Variants in SPAG1 observed in about 807,000 individuals in gnomAD.
The protein encoded by SPAG1 is sperm-associated antigen 1.
Under a neutral mutation model 100.5 loss-of-function variants are expected in SPAG1, and 69 were observed. The observed-to-expected ratio is 0.69, with a 90% CI of 0.57 to 0.84. The LOEUF (loss-of-function observed/expected upper bound fraction) is 0.84, where lower values mean the gene tolerates loss of function less well. Among genes scored for constraint, SPAG1 ranks in the 40% least tolerant of loss-of-function variants. The pLI is 0.00. For synonymous variants in SPAG1, 336 were observed against 411.6 expected (o/e 0.82, Z 2.22); for missense variants, 955 against 1,133.1 (o/e 0.84, Z 2.26).
chr8:100,203,681 G>T (rs1817385735), intron 10 of SPAG1, among the ~76,000 whole-genome samples: 1 of 152,162 alleles, frequency 6.6e-6, no homozygotes. Flanking sequence ...TAATGAAGCT[G>T]GTTGGTTGCT....
chr8:100,221,969 C>T (rs1818302255), intron 13 of SPAG1, among the ~76,000 whole-genome samples: 1 of 152,240 alleles, frequency 6.6e-6, no homozygotes, highest in South Asian at 2.1e-4. Flanking sequence ...AAGGGACATA[C>T]ATCCATAATC....
intron 6 of SPAG1, 107 bp downstream of exon 6, chr8:100,184,169 G>T: frequency 4.2e-6 from 2 of 480,632 alleles, no homozygotes. Flanking sequence ...AGATTACCAT[G>T]AAAAGTTTAT....
At position 100,220,430 on chromosome 8, in the gene SPAG1, A is replaced by G; in HGVS notation, c.1687A>G (p.Arg563Gly). 6.2e-7 allele frequency: 1 copy of G among 1,607,952 alleles called. No homozygotes were observed. The highest frequency in any genetic ancestry group is 8.5e-7 in the Non-Finnish European group (1 of 1,178,092). Residue 563 changes from arginine to glycine, a missense_variant and splice_region_variant, in exon 13 of 19, where the codon AGG becomes GGG. Arg to Gly is a moderately radical substitution (Grantham distance 125). Coordinates refer to ENST00000388798, the MANE Select transcript of SPAG1 (RefSeq NM_003114.5). ...GLQLANDSVN[R>G]LSRILMELDG... ...CCAGCTAGCAAATGACAGTGTTAAC[A>G]GGTAATTAATCTGAGGCAGCTACCT...
intron 5 of SPAG1, 62 bp from the exon 6 acceptor site, chr8:100,183,894 T>C: frequency 1.3e-6 from 1 of 761,904 alleles, no homozygotes; most frequent in Admixed American, 2.8e-5. Context: ...AGAATATCAA[T>C]GATAAATTTA....
In SPAG1 at chr8:100,187,721, G is replaced by A. The variant is rs374812582; in HGVS notation, c.832+471G>A. Among the ~76,000 whole-genome samples, 14 of 151,624 alleles carry A rather than the reference G, an allele frequency of 9.2e-5. No homozygotes were observed. The East Asian group carries it at 2.5e-3, about 27-fold the overall frequency. On this transcript the variant is annotated intron_variant, in intron 8 of 18. Coordinates refer to ENST00000388798, the MANE Select transcript of SPAG1 (RefSeq NM_003114.5). ...ATTCTTTTTCTCCAAAAAAAATTAA[G>A]TATAACTTAATATAGATTTTCTGGT... is the stretch of plus-strand genomic sequence containing the variant.
At chr8:100,213,005 C>T (rs1197952618) in intron 10 of SPAG1, 85 bp from the exon 11 acceptor site, 2 of 1,188,218 alleles carry the variant, frequency 1.7e-6, no homozygotes, top group Non-Finnish European at 2.2e-6. Flanking sequence ...CCCTCCGCGT[C>T]CTGCACCCCC....
rs111333755 is a variant in SPAG1 at position 100,184,592 on chromosome 8, A to G, written c.596-36A>G. On this transcript the variant is annotated intron_variant, in intron 6 of 18. Transcript: ENST00000388798. The stretch of plus-strand genomic sequence containing the variant: ...TAAACTTGAAAAATTCTGTTAAATT[A>G]TACGTTTACATATAGCAGATAACAT... The G allele has an allele frequency of 1.0e-3, 1,161 of 1,127,928 alleles. 14 individuals carry two copies. The African/African-American group carries it at 0.018, about 17-fold the overall frequency. The allele number at this position is 1,127,928 out of a possible 1,614,324, so 69.9% of individuals were successfully genotyped here.
At chr8:100,240,214 C>A (rs1361242072) in intron 17 of SPAG1, among the ~76,000 whole-genome samples, 189 bp from the exon 18 acceptor site, 1 of 151,962 alleles carries the variant, frequency 6.6e-6, no homozygotes, top group African/African-American at 2.4e-5. Flanking sequence ...TTTTTTAAAA[C>A]TTTTATGAAT....
intron 10 of SPAG1, among the ~76,000 whole-genome samples, chr8:100,205,896 G>A (rs1369844087): frequency 2.6e-5 from 4 of 151,742 alleles, no homozygotes; most frequent in Admixed American, 2.0e-4. Flanking sequence ...GTGCATGCCT[G>A]TAGTCCCAGC....
chr8:100,215,673 C>T (rs886945537), intron 12 of SPAG1, among the ~76,000 whole-genome samples: 3 of 152,182 alleles, frequency 2.0e-5, no homozygotes, highest in African/African-American at 4.8e-5. Flanking sequence ...TGCAGGCGCC[C>T]GCCACCATGC....
chr8:100,184,046 A>T lies in SPAG1; in HGVS notation c.579A>T (p.Thr193=), dbSNP rs746224784. 1 of 1,448,676 alleles carries T rather than the reference A, an allele frequency of 6.9e-7. No homozygotes were observed. The allele number at this position is 1,448,676 out of a possible 1,614,324, so 89.7% of individuals were successfully genotyped here. A position where few individuals can be genotyped will look rare whatever the true frequency, so the allele number is the denominator to read the frequency against. Residue 193 remains threonine (T), a synonymous_variant, in exon 6 of 19, where the codon ACA becomes ACT. Transcript: ENST00000388798. ...AGTCACACTTGTCTAAAATTGAGAC[A>T]AGAATAGATACAGCAGGTAATTGGA... is the stretch of plus-strand genomic sequence containing the variant. ...IDKSHLSKIE[T]RIDTAGLTEK... is the part of the protein sequence containing the mutation.
chr8:100,233,210 C>T (rs181163962), intron 15 of SPAG1: 41 of 516,244 alleles, frequency 7.9e-5, no homozygotes, highest in Non-Finnish European at 1.2e-4. Context: ...TGATTGCATC[C>T]TCCTTGAGGG....
chr8:100,161,955 A>C (rs1815324779), intron 1 of SPAG1, among the ~76,000 whole-genome samples: 1 of 152,188 alleles, frequency 6.6e-6, no homozygotes, highest in Non-Finnish European at 1.5e-5. Context: ...GCAGAAGTAA[A>C]TAACGTCTTC....
chr8:100,221,753 A>G (rs1818291685), intron 13 of SPAG1, among the ~76,000 whole-genome samples: 1 of 152,212 alleles, frequency 6.6e-6, no homozygotes, highest in Non-Finnish European at 1.5e-5. Flanking sequence ...GAGCACTTGA[A>G]GGGGGCTTTG....
chr8:100,169,137 T>C (rs2132211565), intron 3 of SPAG1, among the ~76,000 whole-genome samples: 1 of 152,316 alleles, frequency 6.6e-6, no homozygotes, highest in East Asian at 1.9e-4. Context: ...AAGTTTATAG[T>C]TTTAATTCTT....
rs576559954 is a variant in SPAG1, at chr8:100,225,633, G to A, written c.1855+294G>A. Among the ~76,000 whole-genome samples the A allele has an allele frequency of 7.9e-5, 12 of 151,144 alleles. 1 individual carries two copies. Among genetic ancestry groups the A allele is most frequent in the South Asian group, 4.2e-4 (2 of 4,760 alleles). On this transcript the variant is annotated intron_variant, in intron 14 of 18. Coordinates refer to ENST00000388798, the MANE Select transcript of SPAG1 (RefSeq NM_003114.5). ...ACCACCACACCTGGCTAATTTTAGT[G>A]GGTTTTTTTTTGTTTGTCTTTAGTA... is the stretch of plus-strand genomic sequence containing the variant.
chr8:100,210,266 A>G (rs181720907), intron 10 of SPAG1, among the ~76,000 whole-genome samples: 201 of 151,426 alleles, frequency 1.3e-3, no homozygotes, highest in Non-Finnish European at 2.1e-3. Context: ...GGGATCATGT[A>G]TGCAATTCTT....
intron 3 of SPAG1, among the ~76,000 whole-genome samples, chr8:100,170,528 C>T (rs2453651): frequency 6.6e-6 from 1 of 152,206 alleles, no homozygotes; most frequent in Admixed American, 6.5e-5. Context: ...AACAACAACT[C>T]CCCATTTTCC....
rs780537983 is a variant in SPAG1 at position 100,231,176 on chromosome 8, C to T, written c.1876C>T (p.Leu626Phe). 2 of 1,607,062 alleles carry T rather than the reference C, an allele frequency of 1.2e-6. No homozygotes were observed. The highest frequency in any genetic ancestry group is 1.7e-6 in the Non-Finnish European group (2 of 1,176,158). ...GITDEKTFKA[L>F]KEEGNQCVND... ...CATAGATGAAAAAACATTTAAAGCCCTTAAGGAAGAAGGAAATCAATGTGT... is the reference window on the plus strand; with the variant it reads ...CATAGATGAAAAAACATTTAAAGCCTTTAAGGAAGAAGGAAATCAATGTGT... Residue 626 changes from leucine to phenylalanine, a missense_variant, in exon 15 of 19, where the codon CTT (leucine) becomes TTT (phenylalanine). By Grantham distance (22) the Leu-to-Phe change is conservative (BLOSUM62 0). Coordinates refer to ENST00000388798, the MANE Select transcript of SPAG1 (RefSeq NM_003114.5).
Sources: allele counts gnomAD v4.1 joint callset (sites outside exome capture counted in the v4.1 genomes callset), GRCh38; gene constraint gnomAD v4.1.1; transcripts MANE v1.5; gene names NCBI Gene and HGNC (gene_info 2026-07-23, HGNC 2026-07-21).